The following RASIP1 variants were observed in gnomAD, a reference collection of about 807,000 sequenced individuals.
The protein encoded by RASIP1 is Ras interacting protein 1, also known as ras-interacting protein 1.
Under a neutral mutation model 85.3 loss-of-function variants are expected in RASIP1, and 20 were observed. That is an observed-to-expected ratio of 0.23 (90% confidence interval 0.17 to 0.34). The LOEUF (loss-of-function observed/expected upper bound fraction) is 0.34, where lower values mean the gene tolerates loss of function less well. RASIP1 is among the 10% of genes least tolerant of loss of function. RASIP1 has a pLI of 1.00. For missense variants in RASIP1, 1,170 were observed against 1,390.9 expected (o/e 0.84, Z 2.53); for synonymous variants, 617 against 647.1 (o/e 0.95, Z 0.71).
intron 3 of RASIP1, among the ~76,000 whole-genome samples, chr19:48,736,211 C>A (rs1305432743): frequency 1.3e-5 from 2 of 150,758 alleles, no homozygotes; most frequent in African/African-American, 4.9e-5. Flanking sequence ...GTCAGGAGAT[C>A]GAGACCATCT....
At chr19:48,729,706 CTTCTTTT>C (rs2033414973) in intron 4 of RASIP1, 116 bp from the exon 5 acceptor site, 222 of 594,040 alleles carry the variant, frequency 3.7e-4, no homozygotes, top group Middle Eastern at 5.2e-4. Context: ...TTTCCTTCTT[CTTCTTTT>C]TTTTTTTTTT....
chr19:48,739,063 C>G lies in RASIP1; in HGVS notation c.720G>C (p.Glu240Asp). The change falls in exon 3 of 12, where the codon GAG becomes GAC. Residue 240 changes from glutamate to aspartate, a missense_variant. By Grantham distance (45) the Glu-to-Asp change is conservative. Coordinates refer to ENST00000222145, the MANE Select transcript of RASIP1 (RefSeq NM_017805.3). The surrounding 1 kb of genome is among the most constrained non-coding windows in gnomAD (Gnocchi z 9.2). The stretch of plus-strand genomic sequence containing the variant: ...CCCAGCCGGGCCGCGCCCGCCACAG[C>G]TCCTGCACCAGCAGCGGGCGCTCGG... Reference protein sequence around the residue: ...GDSERPLLVQELWRARPGWAR... With the variant: ...GDSERPLLVQDLWRARPGWAR... The G allele has an allele frequency of 7.8e-7, 1 of 1,288,058 alleles. No individual in the cohort carries two copies. Among genetic ancestry groups the G allele is most frequent in the South Asian group, 2.4e-5 (1 of 41,628 alleles). The allele number at this position is 1,288,058 out of a possible 1,614,324, so 79.8% of individuals were successfully genotyped here.
rs1191107930 is a variant in RASIP1 at position 48,729,429 on chromosome 19, C to T, written c.1341G>A (p.Pro447=). The T allele has an allele frequency of 6.4e-7, 1 of 1,560,690 alleles. No homozygotes were observed. Among genetic ancestry groups the T allele is most frequent in the African/African-American group, 1.4e-5 (1 of 73,476 alleles). The change falls in exon 5 of 12, where the codon CCG becomes CCA. Residue 447 remains proline (P), a synonymous_variant. Transcript: ENST00000222145. ...HCTVRAGPEH[P]AMVRPSRGAP... ...CGCCCCGGGACGGGCGCACCATGGCCGGGTGCTCAGGGCCCGCGCGCACTG... is the reference window on the plus strand; with the variant it reads ...CGCCCCGGGACGGGCGCACCATGGCTGGGTGCTCAGGGCCCGCGCGCACTG...
chr19:48,732,219 C>A (rs2033471752), intron 4 of RASIP1, among the ~76,000 whole-genome samples: 1 of 151,556 alleles, frequency 6.6e-6, no homozygotes, highest in South Asian at 2.1e-4. Context: ...GAATGACAGG[C>A]ATACACCACC....
intron 4 of RASIP1, among the ~76,000 whole-genome samples, chr19:48,734,836 A>G (rs2033540163): frequency 6.6e-6 from 1 of 152,084 alleles, no homozygotes; most frequent in Admixed American, 6.6e-5. Flanking sequence ...GCTGGTCTCG[A>G]ACTTTTGGCC....
Position 48,739,208 on chromosome 19 carries a change from C to A in RASIP1, c.575G>T (p.Gly192Val). The change falls in exon 3 of 12, where the codon GGC becomes GTC. Residue 192 changes from glycine (G) to valine (V), a missense_variant. Gly to Val is a moderately radical substitution (Grantham distance 109). Transcript: ENST00000222145. This position sits in a 1 kb window ranked among gnomAD's most constrained non-coding sequence, Gnocchi z 9.2. Reference protein sequence around the residue: ...RYGLAGSPGGGPGESSCVDAF... With the variant: ...RYGLAGSPGGVPGESSCVDAF... ...GTCCACGCAGCTGCTCTCGCCGGGG[C>A]CACCGCCGGGGCTGCCTGCTAGGCC... 1 of 1,479,884 alleles carries A rather than the reference C, an allele frequency of 6.8e-7. No homozygotes were observed. Among genetic ancestry groups the A allele is most frequent in the Non-Finnish European group, 8.9e-7 (1 of 1,122,426 alleles). 91.7% of individuals were successfully genotyped at this position (1,479,884 alleles called of 1,614,324 possible). A position where few individuals can be genotyped will look rare whatever the true frequency, so the allele number is the denominator to read the frequency against.
At chr19:48,723,509 G>A (rs903580806) in intron 10 of RASIP1, among the ~76,000 whole-genome samples, 26 of 146,528 alleles carry the variant, frequency 1.8e-4, no homozygotes, top group Non-Finnish European at 3.1e-4. Context: ...GGAGTGAGCC[G>A]AGATCATGCC....
rs1381846353 is a variant in RASIP1, at chr19:48,720,628, C to G, written c.*170G>C. ...CTTTATTGCTCCCTGGCATTCACATCCTAAGCCCATGCTCCCACCGTCCCA... is the reference window on the plus strand; with the variant it reads ...CTTTATTGCTCCCTGGCATTCACATGCTAAGCCCATGCTCCCACCGTCCCA... On this transcript the variant is annotated 3_prime_UTR_variant, in exon 12 of 12. Coordinates refer to ENST00000222145, the MANE Select transcript of RASIP1 (RefSeq NM_017805.3). The G allele has an allele frequency of 1.4e-6, 1 of 711,992 alleles. No homozygotes were observed. The highest frequency in any genetic ancestry group is 2.4e-5 in the Admixed American group (1 of 41,032). The allele number at this position is 711,992 out of a possible 1,614,324, so 44.1% of individuals were successfully genotyped here.
intron 4 of RASIP1, among the ~76,000 whole-genome samples, chr19:48,730,689 G>GT (rs1351791726): frequency 6.6e-6 from 1 of 151,844 alleles, no homozygotes; most frequent in Non-Finnish European, 1.5e-5. Context: ...TCCAATAATA[G>GT]TTTTTCTCAA....
At chr19:48,730,835 C>T (rs55957941) in intron 4 of RASIP1, among the ~76,000 whole-genome samples, 7 of 152,018 alleles carry the variant, frequency 4.6e-5, no homozygotes, top group East Asian at 1.9e-4. Flanking sequence ...AGACCAGACA[C>T]GGTGAAACCT....
At position 48,724,698 on chromosome 19, in the gene RASIP1, G is replaced by C. The variant is rs1270514122; in HGVS notation, c.2371+19C>G. The C allele has an allele frequency of 1.2e-6, 2 of 1,613,706 alleles. No individual in the cohort carries two copies. Among genetic ancestry groups the C allele is most frequent in the African/African-American group, 2.7e-5 (2 of 75,056 alleles). ...GGCTCCTGTCTTTGCCTCCCTGACAGCTCCCAGCCAACCTTCACCTCGTTC... is the reference window on the plus strand; with the variant it reads ...GGCTCCTGTCTTTGCCTCCCTGACACCTCCCAGCCAACCTTCACCTCGTTC... On this transcript the variant is annotated intron_variant, in intron 9 of 11. Coordinates refer to ENST00000222145, the MANE Select transcript of RASIP1 (RefSeq NM_017805.3). This position sits in a 1 kb window ranked among gnomAD's most constrained non-coding sequence, Gnocchi z 4.6.
Position 48,729,364 on chromosome 19 carries a change from G to A in RASIP1, c.1406C>T (p.Ala469Val). 1 of 1,557,930 alleles carries A rather than the reference G, an allele frequency of 6.4e-7. No individual in the cohort carries two copies. Among genetic ancestry groups the A allele is most frequent in the South Asian group, 1.2e-5 (1 of 84,576 alleles). Reference protein sequence around the residue: ...THNGCLLLREAELHPGDLLGL... With the variant: ...THNGCLLLREVELHPGDLLGL... ...CAGGAGGTCGCCCGGGTGCAGCTCAGCCTCCCGCAGCAGGAGGCACCCGTT... is the reference window on the plus strand; with the variant it reads ...CAGGAGGTCGCCCGGGTGCAGCTCAACCTCCCGCAGCAGGAGGCACCCGTT... The change falls in exon 5 of 12, where the codon GCT (alanine) becomes GTT (valine). Residue 469 changes from alanine (A) to valine (V), a missense_variant. By Grantham distance (64) the Ala-to-Val change is moderately conservative (BLOSUM62 0). This residue lies in a region of RASIP1 where 426 missense variants were observed against 576.2 expected (regional missense o/e 0.74). Coordinates refer to ENST00000222145, the MANE Select transcript of RASIP1 (RefSeq NM_017805.3).
chr19:48,731,640 G>A (rs1479589342), intron 4 of RASIP1, among the ~76,000 whole-genome samples: 3 of 151,932 alleles, frequency 2.0e-5, no homozygotes, highest in Non-Finnish European at 4.4e-5. Flanking sequence ...CCTTCCATTC[G>A]CCAACCATGT....
intron 4 of RASIP1, among the ~76,000 whole-genome samples, chr19:48,732,935 G>A (rs1448157856): frequency 6.6e-6 from 1 of 152,198 alleles, no homozygotes; most frequent in East Asian, 1.9e-4. Context: ...ACAAGGTTTT[G>A]CCATTGGTCC....
chr19:48,727,838 T>G (rs1218959457), intron 5 of RASIP1, among the ~76,000 whole-genome samples: 1 of 151,870 alleles, frequency 6.6e-6, no homozygotes, highest in Non-Finnish European at 1.5e-5. Flanking sequence ...AGGCATGTGC[T>G]ACCATGCCCG....
chr19:48,725,120 T>TTCTATCAAGTAGGG, intron 8 of RASIP1, 160 bp from the exon 9 acceptor site: 7 of 775,004 alleles, frequency 9.0e-6, no homozygotes, highest in Non-Finnish European at 1.4e-5. Context: ...AGCAAATCCC[T>TTCTATCAAGTAGGG]ACTTGATAGA....
In RASIP1 at chr19:48,724,809, T is replaced by C; in HGVS notation, c.2279A>G (p.Gln760Arg). The C allele has an allele frequency of 3.7e-6, 6 of 1,614,226 alleles. No individual in the cohort carries two copies. Among genetic ancestry groups the C allele is most frequent in the Non-Finnish European group, 5.1e-6 (6 of 1,180,038 alleles). The stretch of plus-strand genomic sequence containing the variant: ...CACGAGGTCAGGGTGCAGCTCGCAC[T>C]GGCTGGTCAGCTCCAAGGCTGCCTG... ...VFQAALELTS[Q>R]CELHPDLVSQ... is the part of the protein sequence containing the mutation. Residue 760 changes from glutamine (Q) to arginine (R), a missense_variant, in exon 9 of 12, where the codon CAG (glutamine) becomes CGG (arginine). Coordinates refer to ENST00000222145, the MANE Select transcript of RASIP1 (RefSeq NM_017805.3). The surrounding 1 kb of genome is among the most constrained non-coding windows in gnomAD (Gnocchi z 4.6).
Position 48,740,424 on chromosome 19 carries a change from C to T in RASIP1, c.-5+97G>A, listed in dbSNP as rs1185916835. 1.2e-5 allele frequency: 17 copies of T among 1,397,414 alleles called. No individual in the cohort carries two copies. Among genetic ancestry groups the T allele is most frequent in the Non-Finnish European group, 1.3e-5 (14 of 1,070,878 alleles). 86.6% of individuals were successfully genotyped at this position (1,397,414 alleles called of 1,614,324 possible). ...GTCCAGGGGGAGGAGAGGGATGGTA[C>T]CCTGGATTCCTGGGTCCTGGGATGG... On this transcript the variant is annotated intron_variant, in intron 1 of 11. Coordinates refer to ENST00000222145, the MANE Select transcript of RASIP1 (RefSeq NM_017805.3). This position sits in a 1 kb window ranked among gnomAD's most constrained non-coding sequence, Gnocchi z 5.5.
Position 48,729,248 on chromosome 19 carries a change from C to T in RASIP1, c.1522G>A (p.Gly508Arg). Residue 508 changes from glycine (G) to arginine (R), a missense_variant, in exon 5 of 12, where the codon GGG (glycine) becomes AGG (arginine). Gly to Arg is a moderately radical substitution (Grantham distance 125). Transcript: ENST00000222145. ...CAGCCAGGGCCTGGCGGCGTGGCCC[C>T]GGGGCGCGCGGGCAGCCACGGCGGC... ...ARPPWLPARP[G>R]ATPPGPGWAF... 3 of 1,446,952 alleles carry T rather than the reference C, an allele frequency of 2.1e-6. No homozygotes were observed. The highest frequency in any genetic ancestry group is 2.7e-6 in the Non-Finnish European group (3 of 1,106,246). 89.6% of individuals were successfully genotyped at this position (1,446,952 alleles called of 1,614,324 possible).
Sources: gnomAD v4.1 joint callset for allele counts (sites outside exome capture counted in the v4.1 genomes callset) on GRCh38, gnomAD v4.1.1 for gene constraint, gnomAD v4.1.1 regional missense constraint, Gnocchi (gnomAD v3.1) non-coding constraint, MANE v1.5 for transcripts, NCBI Gene and HGNC (gene_info 2026-07-23, HGNC 2026-07-21) for gene names.